HEATR6: variants seen among roughly 807,000 people sequenced by gnomAD.
HEATR6 encodes HEAT repeat containing 6, also known as HEAT repeat-containing protein 6.
HEATR6 carries 106 observed loss-of-function variants against 132.8 expected under a neutral mutation model. That is an observed-to-expected ratio of 0.80 (90% CI 0.68 to 0.94). HEATR6 has a LOEUF of 0.94. Ranked by LOEUF, HEATR6 falls within the 40% of genes least tolerant of loss-of-function variation. The pLI is 0.00. For missense variants in HEATR6, 1,339 were observed against 1,425.1 expected (o/e 0.94, Z 0.97); for synonymous variants, 529 against 537.8 (o/e 0.98, Z 0.23).
At position 60,066,369 on chromosome 17, in the gene HEATR6, A is replaced by C; in HGVS notation, c.1256T>G (p.Val419Gly). 1 of 1,610,456 alleles carries C rather than the reference A, an allele frequency of 6.2e-7. No homozygotes were observed. Among genetic ancestry groups the C allele is most frequent in the Non-Finnish European group, 8.5e-7 (1 of 1,178,886 alleles). ...QSKMRSYQAK[V>G]RQGALVCFLS... Reference sequence around the variant, plus strand: ...AAAACAAACTAAGGCTCCTTGGCGAACTTTAGCTTGGTAAGACCTTTCATA... The same window carrying C: ...AAAACAAACTAAGGCTCCTTGGCGACCTTTAGCTTGGTAAGACCTTTCATA... The change falls in exon 9 of 20, where the codon GTT (valine) becomes GGT (glycine). Residue 419 changes from valine (V) to glycine (G), a missense_variant. Val to Gly is a moderately radical substitution (Grantham distance 109). Coordinates refer to ENST00000184956, the MANE Select transcript of HEATR6 (RefSeq NM_022070.5).
intron 5 of HEATR6, 101 bp downstream of exon 5, chr17:60,072,114 A>G (rs1285271092): frequency 2.1e-6 from 1 of 475,348 alleles, no homozygotes. Flanking sequence ...GTATTTCTCT[A>G]GACGAAGCTA....
intron 9 of HEATR6, among the ~76,000 whole-genome samples, chr17:60,061,818 G>A (rs754200268): frequency 4.6e-5 from 7 of 152,232 alleles, no homozygotes; most frequent in Admixed American, 2.6e-4. Context: ...CTAGAGGCTC[G>A]TCCGAACTCA....
At position 60,072,235 on chromosome 17, in the gene HEATR6, C is replaced by T; in HGVS notation, c.679G>A (p.Asp227Asn). 1 of 1,584,890 alleles carries T rather than the reference C, an allele frequency of 6.3e-7. No homozygotes were observed. The highest frequency in any genetic ancestry group is 1.1e-5 in the South Asian group (1 of 89,572). ...CTTACCATGCAAAATGTGATATCATCCATATCAGATGATTTTGGAGACTGT... is the reference window on the plus strand; with the variant it reads ...CTTACCATGCAAAATGTGATATCATTCATATCAGATGATTTTGGAGACTGT... ...ILQSPKSSDM[D>N]DITFCMLLQN... The change falls in exon 5 of 20, where the codon GAT becomes AAT. Residue 227 changes from aspartate (D) to asparagine (N), a missense_variant. By Grantham distance (23) the Asp-to-Asn change is conservative. Coordinates refer to ENST00000184956, the MANE Select transcript of HEATR6 (RefSeq NM_022070.5).
chr17:60,067,260 A>G (rs1279967511), intron 8 of HEATR6, among the ~76,000 whole-genome samples, 174 bp downstream of exon 8: 1 of 126,196 alleles, frequency 7.9e-6, no homozygotes, highest in Admixed American at 8.7e-5. Flanking sequence ...ACAGAGCGAG[A>G]CTCCGTCTCA....
chr17:60,065,146 TTTAG>T (rs1370325530), intron 9 of HEATR6, among the ~76,000 whole-genome samples: 4 of 152,252 alleles, frequency 2.6e-5, no homozygotes, highest in Non-Finnish European at 5.9e-5. Flanking sequence ...TCACTATTGA[TTTAG>T]TTAATTTGTA....
intron 8 of HEATR6, among the ~76,000 whole-genome samples, chr17:60,067,146 T>C (rs2083245374): frequency 6.7e-6 from 1 of 149,952 alleles, no homozygotes; most frequent in African/African-American, 2.4e-5. Context: ...GGCGGGCGCC[T>C]GTAGTCCCAG....
intron 2 of HEATR6, among the ~76,000 whole-genome samples, chr17:60,074,916 T>C (rs2083289143): frequency 6.6e-6 from 1 of 152,222 alleles, no homozygotes; most frequent in Non-Finnish European, 1.5e-5. Flanking sequence ...AGGCTAACTG[T>C]GGCTGCACAT....
intron 12 of HEATR6, 114 bp downstream of exon 12, chr17:60,056,934 A>G: frequency 2.8e-6 from 2 of 710,390 alleles, no homozygotes; most frequent in Non-Finnish European, 4.6e-6. Context: ...CTAAAATACA[A>G]TTCCCACGAA....
chr17:60,045,985 AAGAGGCTTTCCACC>A, intron 19 of HEATR6, 26 bp downstream of exon 19: 1 of 1,423,082 alleles, frequency 7.0e-7, no homozygotes. Flanking sequence ...TGTGTGTCCC[AAGAGGCTTTCCACC>A]AGGGAGTGAA....
Position 60,056,279 on chromosome 17 carries a change from C to G in HEATR6, c.2080-42G>C, listed in dbSNP as rs370118516. 1.2e-5 allele frequency: 19 copies of G among 1,561,820 alleles called. No homozygotes were observed. The African/African-American group carries it at 1.6e-4, about 14-fold the overall frequency. On this transcript the variant is annotated intron_variant, in intron 12 of 19. Transcript: ENST00000184956. Reference sequence around the variant, plus strand: ...GAATTAACCCTCTAAGACCTGAGTGCAAGGCTGCAATATCCAGAAAAGTGT... The same window carrying G: ...GAATTAACCCTCTAAGACCTGAGTGGAAGGCTGCAATATCCAGAAAAGTGT...
At chr17:60,060,626 T>A (rs999533285) in intron 9 of HEATR6, among the ~76,000 whole-genome samples, 6 of 152,186 alleles carry the variant, frequency 3.9e-5, no homozygotes, top group Non-Finnish European at 5.9e-5. Flanking sequence ...AAAAAACACA[T>A]GTGCCTAGAG....
At chr17:60,056,093 T>C in intron 13 of HEATR6, 22 bp downstream of exon 13, 1 of 1,611,600 alleles carries the variant, frequency 6.2e-7, no homozygotes, top group Non-Finnish European at 8.5e-7. Flanking sequence ...GGAAAAAGCA[T>C]TGTGGTTTTG....
At chr17:60,072,756 G>A (rs1163352948) in intron 4 of HEATR6, among the ~76,000 whole-genome samples, 1 of 152,194 alleles carries the variant, frequency 6.6e-6, no homozygotes. Flanking sequence ...TGCCTACTGT[G>A]AGAATCGAGG....
At position 60,077,397 on chromosome 17, in the gene HEATR6, G is replaced by A. The variant is rs1036989980; in HGVS notation, c.220-1160C>T. ...TAAATGGCTGCACACAGGAACAAAA[G>A]GGGGAGTAACAGGAGAGAATGGAAG... On this transcript the variant is annotated intron_variant, in intron 1 of 19. Transcript: ENST00000184956. Among the ~76,000 whole-genome samples, 4 of 152,154 alleles carry A rather than the reference G, an allele frequency of 2.6e-5. No individual in the cohort carries two copies. In the South Asian group the frequency reaches 8.3e-4, roughly 32 times the overall value.
chr17:60,047,304 T>C lies in HEATR6; in HGVS notation c.2769+5A>G. ...GGGAGATACTGGGTTTTGTTGTGAG[T>C]CTACCTTGTCTTTATCCTTGGATGC... On this transcript the variant is annotated splice_donor_5th_base_variant and intron_variant, in intron 18 of 19. Coordinates refer to ENST00000184956, the MANE Select transcript of HEATR6 (RefSeq NM_022070.5). The C allele has an allele frequency of 6.3e-7, 1 of 1,588,448 alleles. No homozygotes were observed. Among genetic ancestry groups the C allele is most frequent in the Non-Finnish European group, 8.6e-7 (1 of 1,159,188 alleles).
At chr17:60,072,436 A>G in intron 4 of HEATR6, 107 bp from the exon 5 acceptor site, 1 of 531,218 alleles carries the variant, frequency 1.9e-6, no homozygotes, top group Non-Finnish European at 3.4e-6. Flanking sequence ...GTTGGAATAT[A>G]CCCTTGAGTG....
In HEATR6 at chr17:60,042,118, TA is replaced by T. The variant is rs1186372383; in HGVS notation, c.*1444del. On this transcript the variant is annotated 3_prime_UTR_variant, in exon 20 of 20. Transcript: ENST00000184956. The stretch of plus-strand genomic sequence containing the variant: ...ATGATCTTTTCTTAAAGGCACAAAT[TA>T]AAAGGTGGCAAAACAACCATATATT... Among the ~76,000 whole-genome samples the T allele has an allele frequency of 6.6e-6, 1 of 152,156 alleles. No individual in the cohort carries two copies. Among genetic ancestry groups the T allele is most frequent in the Non-Finnish European group, 1.5e-5 (1 of 68,036 alleles).
chr17:60,053,589 C>T lies in HEATR6; in HGVS notation c.2289+1926G>A, dbSNP rs1906652355. Among the ~76,000 whole-genome samples the T allele has an allele frequency of 3.3e-5, 5 of 152,268 alleles. 1 individual carries two copies. The South Asian group carries it at 1.0e-3, about 32-fold the overall frequency. On this transcript the variant is annotated intron_variant, in intron 14 of 19. Transcript: ENST00000184956. ...TGATTAAATGGTTGTGACCGAAATG[C>T]TGATAGAAATATGGAGAGTGAAAGC...
intron 14 of HEATR6, among the ~76,000 whole-genome samples, chr17:60,051,276 T>G (rs542271762): frequency 6.6e-6 from 1 of 152,340 alleles, no homozygotes; most frequent in South Asian, 2.1e-4. Context: ...CAGCTAATGT[T>G]CTTCAGAGAG....
Sources: allele counts gnomAD v4.1 joint callset (sites outside exome capture counted in the v4.1 genomes callset), GRCh38; gene constraint gnomAD v4.1.1; transcripts MANE v1.5; gene names NCBI Gene and HGNC (gene_info 2026-07-23, HGNC 2026-07-21).